Variants in ZFC3H1 observed in about 807,000 individuals in gnomAD.
ZFC3H1 encodes the protein zinc finger C3H1 domain-containing protein.
In ZFC3H1, 71 loss-of-function variants were observed where a neutral mutation model predicts 243.7. The observed-to-expected ratio is 0.29, with a 90% CI of 0.24 to 0.36. The LOEUF is 0.36. Among genes scored for constraint, ZFC3H1 ranks in the 10% least tolerant of loss-of-function variants. ZFC3H1 has a pLI of 1.00. For synonymous variants in ZFC3H1, 838 were observed against 813.0 expected, an observed-to-expected ratio of 1.03 and a Z score of -0.52; for missense variants, 1,966 against 2,317.1, an observed-to-expected ratio of 0.85 and a Z score of 3.11.
intron 24 of ZFC3H1, among the ~76,000 whole-genome samples, chr12:71,622,458 C>T (rs1044798468): frequency 6.6e-6 from 1 of 151,840 alleles, no homozygotes; most frequent in African/African-American, 2.4e-5. Context: ...AGATCCTAGT[C>T]TCTTTTTTTT....
chr12:71,618,683 C>T (rs1879950497), intron 27 of ZFC3H1, among the ~76,000 whole-genome samples: 1 of 111,766 alleles, frequency 8.9e-6, no homozygotes, highest in Admixed American at 1.1e-4. Context: ...TTTGCTAACC[C>T]CATAAAGAGA....
chr12:71,610,073 T>C lies in ZFC3H1; in HGVS notation c.*355A>G, dbSNP rs1879731012. 6.3e-6 allele frequency: 1 copy of C among 159,560 alleles called. No individual in the cohort carries two copies. The highest frequency in any genetic ancestry group is 2.4e-5 in the African/African-American group (1 of 41,448). The allele number at this position is 159,560 out of a possible 1,614,324, so 9.9% of individuals were successfully genotyped here. A position where few individuals can be genotyped will look rare whatever the true frequency, so the allele number is the denominator to read the frequency against. ...CAGGAATCTCTCAGGCATCAGAGAGTGTCAAGTGAGTCAGGAATAACACAA... is the reference window on the plus strand; with the variant it reads ...CAGGAATCTCTCAGGCATCAGAGAGCGTCAAGTGAGTCAGGAATAACACAA... On this transcript the variant is annotated 3_prime_UTR_variant, in exon 35 of 35. Coordinates refer to ENST00000378743, the MANE Select transcript of ZFC3H1 (RefSeq NM_144982.5).
intron 1 of ZFC3H1, among the ~76,000 whole-genome samples, chr12:71,660,752 T>C (rs1014787020): frequency 6.6e-6 from 1 of 152,098 alleles, no homozygotes; most frequent in South Asian, 2.1e-4. Context: ...CAACTTTTTA[T>C]ACTAAACTGC....
In ZFC3H1 at chr12:71,632,128, G is replaced by A; in HGVS notation, c.3204C>T (p.Cys1068=). 6.2e-7 allele frequency: 1 copy of A among 1,609,490 alleles called. No homozygotes were observed. The change falls in exon 15 of 35, where the codon TGC becomes TGT. Residue 1068 remains cysteine (C), a synonymous_variant. Transcript: ENST00000378743. ...CAGTATTTTTATTAAGTTTGTTTAT[G>A]CATTCTTTGTTAGCAGTATCAGTGT... ...LKHTDTANKE[C]INKLNKNTVE...
At chr12:71,655,241 A>G (rs1173380356) in intron 2 of ZFC3H1, among the ~76,000 whole-genome samples, 1 of 152,178 alleles carries the variant, frequency 6.6e-6, no homozygotes, top group Admixed American at 6.5e-5. Flanking sequence ...ATTGACTTAG[A>G]TATCAATAAA....
In ZFC3H1 at chr12:71,636,548, G is replaced by C; in HGVS notation, c.2042C>G (p.Pro681Arg). ...GTGAAACTTTGGATTCTGTATCCTA[G>C]GCTGAGACACTGTGTTAATACTGAC... ...SIVSINTVSQ[P>R]RIQNPKFHRG... Residue 681 changes from proline (P) to arginine (R), a missense_variant, in exon 9 of 35, where the codon CCT becomes CGT. Pro to Arg is a moderately radical substitution (Grantham distance 103). Coordinates refer to ENST00000378743, the MANE Select transcript of ZFC3H1 (RefSeq NM_144982.5). 1 of 1,613,378 alleles carries C rather than the reference G, an allele frequency of 6.2e-7. No individual in the cohort carries two copies. The highest frequency in any genetic ancestry group is 8.5e-7 in the Non-Finnish European group (1 of 1,179,578).
chr12:71,619,209 C>G, intron 27 of ZFC3H1, 106 bp downstream of exon 27: 1 of 948,340 alleles, frequency 1.1e-6, no homozygotes, highest in Non-Finnish European at 1.6e-6. Context: ...TATTCAAGTA[C>G]TAAAAAGTCA....
chr12:71,657,933 G>C (rs1881062652), intron 1 of ZFC3H1, among the ~76,000 whole-genome samples: 1 of 151,548 alleles, frequency 6.6e-6, no homozygotes, highest in African/African-American at 2.4e-5. Flanking sequence ...AGGTTGCAGG[G>C]AGCCAAGATC....
At position 71,615,833 on chromosome 12, in the gene ZFC3H1, T is replaced by G. The variant is rs573941114; in HGVS notation, c.5145-517A>C. On this transcript the variant is annotated intron_variant, in intron 27 of 34. Transcript: ENST00000378743. ...GCGCCTGGCCACAGTTTTATTATTT[T>G]ATACCTATATGAAAAACTCTCCTCC... is the stretch of plus-strand genomic sequence containing the variant. Among the ~76,000 whole-genome samples the G allele has an allele frequency of 1.4e-3, 216 of 152,302 alleles. 1 individual carries two copies. The highest frequency in any genetic ancestry group is 1.5e-3 in the Non-Finnish European group (105 of 68,020).
At chr12:71,646,974 C>T (rs1391901118) in intron 3 of ZFC3H1, among the ~76,000 whole-genome samples, 3 of 152,184 alleles carry the variant, frequency 2.0e-5, no homozygotes, top group Non-Finnish European at 2.9e-5. Context: ...ATGACTCTTA[C>T]TTCATCTACA....
intron 6 of ZFC3H1, among the ~76,000 whole-genome samples, chr12:71,640,031 ATTTATT>A (rs763299078): frequency 6.6e-6 from 1 of 151,880 alleles, no homozygotes; most frequent in Non-Finnish European, 1.5e-5. Flanking sequence ...TTATTTATGT[ATTTATT>A]TTTGAGACAG....
At chr12:71,615,441 A>G in intron 27 of ZFC3H1, 125 bp from the exon 28 acceptor site, 1 of 670,422 alleles carries the variant, frequency 1.5e-6, no homozygotes. Context: ...AAGCAATGAG[A>G]CTTTCTTTTC....
At chr12:71,658,128 G>T (rs906206314) in intron 1 of ZFC3H1, among the ~76,000 whole-genome samples, 2 of 151,894 alleles carry the variant, frequency 1.3e-5, no homozygotes, top group African/African-American at 4.8e-5. Context: ...TACACAAAAG[G>T]TAACTTTTTC....
chr12:71,628,616 G>A (rs998923544), intron 20 of ZFC3H1, among the ~76,000 whole-genome samples: 3 of 152,122 alleles, frequency 2.0e-5, no homozygotes, highest in South Asian at 2.1e-4. Context: ...GTTCTCAAAC[G>A]GGAGCTACCT....
chr12:71,610,345 C>G lies in ZFC3H1; in HGVS notation c.*83G>C. 1 of 1,500,074 alleles carries G rather than the reference C, an allele frequency of 6.7e-7. No homozygotes were observed. Among genetic ancestry groups the G allele is most frequent in the Non-Finnish European group, 9.0e-7 (1 of 1,105,642 alleles). The allele number at this position is 1,500,074 out of a possible 1,614,324, so 92.9% of individuals were successfully genotyped here. A position where few individuals can be genotyped will look rare whatever the true frequency, so the allele number is the denominator to read the frequency against. The stretch of plus-strand genomic sequence containing the variant: ...CTTGTCTGCCTTACACAGACCTTAG[C>G]CAGGGATCAGCCTAATCTTGAAGAA... On this transcript the variant is annotated 3_prime_UTR_variant, in exon 35 of 35. Coordinates refer to ENST00000378743, the MANE Select transcript of ZFC3H1 (RefSeq NM_144982.5).
intron 3 of ZFC3H1, among the ~76,000 whole-genome samples, chr12:71,645,860 G>C (rs1880716629): frequency 6.6e-6 from 1 of 152,118 alleles, no homozygotes. Context: ...AAAATGTCAG[G>C]CTCCCTAGAG....
Position 71,633,514 on chromosome 12 carries a change from G to A in ZFC3H1, c.2511-76C>T, listed in dbSNP as rs537476773. 4.4e-5 allele frequency: 53 copies of A among 1,215,986 alleles called. No homozygotes were observed. The South Asian group carries it at 7.3e-4, about 17-fold the overall frequency. 75.3% of individuals were successfully genotyped at this position (1,215,986 alleles called of 1,614,324 possible). The stretch of plus-strand genomic sequence containing the variant: ...CTGTCAGAATAAAAAAATTTTCAAA[G>A]TAATAACACAATTTTTAAAAATGCA... On this transcript the variant is annotated intron_variant, in intron 12 of 34. Coordinates refer to ENST00000378743, the MANE Select transcript of ZFC3H1 (RefSeq NM_144982.5).
intron 5 of ZFC3H1, among the ~76,000 whole-genome samples, chr12:71,643,510 C>T (rs1880652274): frequency 6.6e-6 from 1 of 151,976 alleles, no homozygotes; most frequent in African/African-American, 2.4e-5. Flanking sequence ...TATCCCTCTA[C>T]TCTTCATTAA....
At chr12:71,626,576 AT>A (rs1345123704) in intron 21 of ZFC3H1, 130 bp from the exon 22 acceptor site, 2 of 793,942 alleles carry the variant, frequency 2.5e-6, no homozygotes, top group Non-Finnish European at 3.7e-6. Context: ...AGGATCACTT[AT>A]GAAAAGGGGT....
Sources: allele counts gnomAD v4.1 joint callset (sites outside exome capture counted in the v4.1 genomes callset), GRCh38; gene constraint gnomAD v4.1.1; transcripts MANE v1.5; gene names NCBI Gene and HGNC (gene_info 2026-07-23, HGNC 2026-07-21).